CTNNA2: variants seen among roughly 807,000 people sequenced by gnomAD.
CTNNA2 encodes the protein catenin alpha-2.
In CTNNA2, 42 loss-of-function variants were observed where a neutral mutation model predicts 101.0. The observed-to-expected ratio is 0.42, with a 90% confidence interval of 0.32 to 0.54. CTNNA2 has a LOEUF of 0.54. Ranked by LOEUF, CTNNA2 falls within the 20% of genes least tolerant of loss-of-function variation. CTNNA2 has a pLI of 0.14. For missense variants in CTNNA2, 871 were observed against 1,223.1 expected, an observed-to-expected ratio of 0.71 and a Z score of 4.29; for synonymous variants, 450 against 456.4, an observed-to-expected ratio of 0.99 and a Z score of 0.18.
At chr2:79,696,336 G>A (rs1684651979) in intron 2 of CTNNA2, among the ~76,000 whole-genome samples, 1 of 151,974 alleles carries the variant, frequency 6.6e-6, no homozygotes, top group South Asian at 2.1e-4. Context: ...CCACTGATTT[G>A]TCCTAAGGTA....
At chr2:79,939,526 A>G (rs1688005276) in intron 7 of CTNNA2, among the ~76,000 whole-genome samples, 1 of 152,036 alleles carries the variant, frequency 6.6e-6, no homozygotes, top group Non-Finnish European at 1.5e-5. Context: ...ATCTTTTGTT[A>G]CTTTCTCTCC....
chr2:80,010,515 G>T (rs1172656391), intron 7 of CTNNA2, among the ~76,000 whole-genome samples: 2 of 152,056 alleles, frequency 1.3e-5, no homozygotes, highest in African/African-American at 4.8e-5. Flanking sequence ...TGTTGCCAGG[G>T]CTGGTCTTGA....
At chr2:80,015,694 G>C (rs755336410) in intron 7 of CTNNA2, among the ~76,000 whole-genome samples, 1 of 152,164 alleles carries the variant, frequency 6.6e-6, no homozygotes, top group African/African-American at 2.4e-5. Flanking sequence ...GATAATCCAC[G>C]TGCTGCCTAA....
intron 7 of CTNNA2, among the ~76,000 whole-genome samples, chr2:80,105,733 CA>C (rs112127356): frequency 1.2e-3 from 171 of 142,818 alleles, no homozygotes; most frequent in African/African-American, 1.7e-3. Context: ...GATCTTGTCT[CA>C]AAAAAAAAAA....
intron 3 of CTNNA2, among the ~76,000 whole-genome samples, chr2:79,760,237 G>A (rs560831856): frequency 2.6e-5 from 4 of 151,932 alleles, no homozygotes; most frequent in East Asian, 3.9e-4. Flanking sequence ...GCTCAGAAAG[G>A]CCTTTTCTAA....
chr2:79,757,473 C>T (rs143167861), intron 3 of CTNNA2, among the ~76,000 whole-genome samples: 1 of 152,268 alleles, frequency 6.6e-6, no homozygotes, highest in African/African-American at 2.4e-5. Flanking sequence ...GAAGTCTAAA[C>T]TTACCAGTCT....
intron 7 of CTNNA2, among the ~76,000 whole-genome samples, chr2:79,914,150 G>C (rs1232433463): frequency 8.0e-6 from 1 of 125,024 alleles, no homozygotes; most frequent in Non-Finnish European, 1.6e-5. Flanking sequence ...CTGGGCGACA[G>C]AGCGAGACTC....
intron 1 of CTNNA2, among the ~76,000 whole-genome samples, chr2:79,610,402 A>G (rs1678190807): frequency 6.6e-6 from 1 of 152,174 alleles, no homozygotes; most frequent in African/African-American, 2.4e-5. Context: ...ATATGTCTGT[A>G]CAAAGACTTG....
At chr2:80,323,656 T>G (rs1678947055) in intron 7 of CTNNA2, among the ~76,000 whole-genome samples, 1 of 152,216 alleles carries the variant, frequency 6.6e-6, no homozygotes, top group African/African-American at 2.4e-5. Flanking sequence ...TGTTTCTTCT[T>G]TTCTTTCTTT....
rs543474327 is a variant in CTNNA2, at chr2:80,516,961, T to G, written c.1291-28021T>G. 2.0e-5 allele frequency among the ~76,000 whole-genome samples: 3 copies of G among 152,348 alleles called. 1 individual carries two copies. The highest frequency in any genetic ancestry group is 7.2e-5 in the African/African-American group (3 of 41,586). On this transcript the variant is annotated intron_variant, in intron 9 of 18. Coordinates refer to ENST00000402739, the MANE Select transcript of CTNNA2 (RefSeq NM_001282597.3). ...CTCTCATGAGGGGTAAGTTAAGTTT[T>G]GTTTTTGGTAGAAACTTCTAAGTTC...
chr2:80,113,982 G>A (rs549617426), intron 7 of CTNNA2, among the ~76,000 whole-genome samples: 2 of 152,244 alleles, frequency 1.3e-5, no homozygotes, highest in South Asian at 4.1e-4. Context: ...TTGTTTTTCA[G>A]GGCAAACTCT....
rs192960652 is a variant in CTNNA2, at chr2:79,222,866, G to C, written c.-406+24790G>C. Among the ~76,000 whole-genome samples, 271 of 152,166 alleles carry C rather than the reference G, an allele frequency of 1.8e-3. 1 individual carries two copies. Among genetic ancestry groups the C allele is most frequent in the African/African-American group, 6.4e-3 (265 of 41,528 alleles). ...TAGCGCCCTTATGAAAGAGGCCCCA[G>C]ACCAAACACAGTGGCTCTCATCTGT... is the stretch of plus-strand genomic sequence containing the variant. On this transcript the variant is annotated intron_variant, in intron 2 of 21. Coordinates refer to the CTNNA2 transcript ENST00000466387.
chr2:79,739,603 G>A (rs553839241), intron 2 of CTNNA2, among the ~76,000 whole-genome samples: 11 of 152,280 alleles, frequency 7.2e-5, no homozygotes, highest in Admixed American at 2.6e-4. Context: ...TTGTTACATG[G>A]ATATATTGTG....
chr2:80,441,076 G>A (rs1240398541), intron 9 of CTNNA2, among the ~76,000 whole-genome samples: 2 of 152,194 alleles, frequency 1.3e-5, no homozygotes, highest in African/African-American at 4.8e-5. Flanking sequence ...AATGGCACAT[G>A]CTTCCCCTAA....
intron 4 of CTNNA2, among the ~76,000 whole-genome samples, chr2:79,469,277 A>G (rs1670972573): frequency 6.6e-6 from 1 of 152,236 alleles, no homozygotes; most frequent in Non-Finnish European, 1.5e-5. Flanking sequence ...TAGAAAATCT[A>G]GAAGAAATGG....
intron 3 of CTNNA2, among the ~76,000 whole-genome samples, chr2:79,330,210 T>A (rs1238461132): frequency 6.6e-6 from 1 of 151,860 alleles, no homozygotes. Flanking sequence ...CAGGTCTAGG[T>A]TTGGTGAAGA....
In CTNNA2 at chr2:80,608,259, A is replaced by G; in HGVS notation, c.2371A>G (p.Ile791Val). Residue 791 changes from isoleucine (I) to valine (V), a missense_variant, in exon 17 of 19, where the codon ATC (isoleucine) becomes GTC (valine). This residue lies in a region of CTNNA2 where 93 missense variants were observed against 223.7 expected (regional missense o/e 0.42). Coordinates refer to ENST00000402739, the MANE Select transcript of CTNNA2 (RefSeq NM_001282597.3). The stretch of plus-strand genomic sequence containing the variant: ...TGCCTTGTATTGCCATCAGCTTAAT[A>G]TCTGCAGCAAGGTGAAGGCAGAAGT... Reference protein sequence around the residue: ...RIALYCHQLNICSKVKAEVQN... With the variant: ...RIALYCHQLNVCSKVKAEVQN... 1.2e-6 allele frequency: 2 copies of G among 1,611,158 alleles called. No individual in the cohort carries two copies. The highest frequency in any genetic ancestry group is 1.7e-6 in the Non-Finnish European group (2 of 1,178,012).
At chr2:80,416,348 A>G (rs996174590) in intron 8 of CTNNA2, among the ~76,000 whole-genome samples, 4 of 152,178 alleles carry the variant, frequency 2.6e-5, no homozygotes, top group African/African-American at 9.7e-5. Flanking sequence ...AATATATACA[A>G]TTTTATTTGT....
chr2:79,260,241 T>A (rs1281964038), intron 2 of CTNNA2, among the ~76,000 whole-genome samples: 2 of 152,102 alleles, frequency 1.3e-5, no homozygotes, highest in Non-Finnish European at 2.9e-5. Context: ...CTCAAGGAAG[T>A]GTTCTCCCAC....
Sources: allele counts gnomAD v4.1 joint callset (sites outside exome capture counted in the v4.1 genomes callset), GRCh38; gene constraint gnomAD v4.1.1; regional missense constraint gnomAD v4.1.1; transcripts MANE v1.5; gene names NCBI Gene and HGNC (gene_info 2026-07-23, HGNC 2026-07-21).